The following KANSL1 variants were observed in gnomAD, a reference collection of about 807,000 sequenced individuals.
The protein encoded by KANSL1 is KAT8 regulatory NSL complex subunit 1.
A neutral mutation model predicts 103.6 loss-of-function variants in KANSL1; 22 were observed. That is an observed-to-expected ratio of 0.21 (90% CI 0.15 to 0.30). The LOEUF is 0.30. Among genes scored for constraint, KANSL1 ranks in the 10% least tolerant of loss-of-function variants. KANSL1 has a pLI of 1.00. For synonymous variants in KANSL1, 600 were observed against 527.6 expected, an observed-to-expected ratio of 1.14 and a Z score of -1.88; for missense variants, 1,337 against 1,399.8, an observed-to-expected ratio of 0.96 and a Z score of 0.72.
intron 2 of KANSL1, among the ~76,000 whole-genome samples, chr17:46,158,976 G>A (rs1222956816): frequency 2.0e-5 from 3 of 152,128 alleles, no homozygotes; most frequent in Admixed American, 6.5e-5. Flanking sequence ...AGAACCTTAC[G>A]CTCAGATTTT....
chr17:46,073,527 GTACTGAAA>G (rs1328377555), intron 4 of KANSL1, among the ~76,000 whole-genome samples: 1 of 152,046 alleles, frequency 6.6e-6, no homozygotes, highest in East Asian at 1.9e-4. Context: ...AAGCCAAAAC[GTACTGAAA>G]TTGCTAACCT....
At chr17:46,176,883 GGAGA>G (rs202225903) in intron 1 of KANSL1, among the ~76,000 whole-genome samples, 6 of 152,048 alleles carry the variant, frequency 3.9e-5, no homozygotes, top group African/African-American at 9.7e-5. Context: ...GGGTGGGGGA[GGAGA>G]GAGAGTGCAG....
chr17:46,162,255 C>T (rs1477558185), intron 2 of KANSL1, among the ~76,000 whole-genome samples: 2 of 152,198 alleles, frequency 1.3e-5, no homozygotes, highest in Non-Finnish European at 2.9e-5. Context: ...TTCTACCCAG[C>T]TTGCAAAATA....
intron 3 of KANSL1, chr17:46,093,957 A>C (rs2079517547): frequency 6.6e-6 from 1 of 152,320 alleles, no homozygotes; most frequent in East Asian, 1.9e-4. Context: ...CAGGGAACTA[A>C]CAAATATAAA....
rs913316099 is a variant in KANSL1 at position 46,170,990 on chromosome 17, G to T, written c.1154C>A (p.Ala385Asp). ...GCACCTCAAGTTGGCTATGCCACTAGCTGTAAATCTCTCCAATTCTTCTGA... is the reference window on the plus strand; with the variant it reads ...GCACCTCAAGTTGGCTATGCCACTATCTGTAAATCTCTCCAATTCTTCTGA... ...SISEELERFT[A>D]SGIANLRCSE... Residue 385 changes from alanine to aspartate, a missense_variant, in exon 2 of 15, where the codon GCT (alanine) becomes GAT (aspartate). Ala to Asp is a moderately radical substitution (Grantham distance 126). Transcript: ENST00000432791. 1.2e-6 allele frequency: 2 copies of T among 1,614,198 alleles called. No homozygotes were observed. Among genetic ancestry groups the T allele is most frequent in the Admixed American group, 1.7e-5 (1 of 60,032 alleles).
intron 2 of KANSL1, among the ~76,000 whole-genome samples, chr17:46,145,071 T>C (rs1353938685): frequency 2.0e-5 from 3 of 152,236 alleles, no homozygotes; most frequent in Non-Finnish European, 4.4e-5. Flanking sequence ...ATAATTCTTT[T>C]AGGATTGACA....
At chr17:46,174,445 A>C (rs2046427170) in intron 1 of KANSL1, among the ~76,000 whole-genome samples, 1 of 152,226 alleles carries the variant, frequency 6.6e-6, no homozygotes, top group Admixed American at 6.5e-5. Flanking sequence ...GGCCTTCCAA[A>C]GTGCTGGGAT....
chr17:46,146,007 G>A (rs889139348), intron 2 of KANSL1, among the ~76,000 whole-genome samples: 1 of 152,200 alleles, frequency 6.6e-6, no homozygotes, highest in Admixed American at 6.5e-5. Context: ...TGGGATTACA[G>A]GTGTGAGCCA....
chr17:46,190,431 T>C (rs901384341), intron 1 of KANSL1, among the ~76,000 whole-genome samples: 5 of 152,214 alleles, frequency 3.3e-5, no homozygotes, highest in African/African-American at 9.6e-5. Context: ...CAAAGTCAAA[T>C]ACGAATGTTC....
chr17:46,110,232 G>A (rs2147098306), intron 2 of KANSL1, among the ~76,000 whole-genome samples: 1 of 152,294 alleles, frequency 6.6e-6, no homozygotes. Flanking sequence ...ATGAGAGAAA[G>A]CACAGTAGTC....
chr17:46,180,220 G>T (rs1567775117), intron 1 of KANSL1, among the ~76,000 whole-genome samples: 1 of 152,128 alleles, frequency 6.6e-6, no homozygotes, highest in African/African-American at 2.4e-5. Flanking sequence ...GAGGGGCCAG[G>T]CACAGTGGCT....
chr17:46,145,482 G>C (rs1484150181), intron 2 of KANSL1, among the ~76,000 whole-genome samples: 2 of 152,248 alleles, frequency 1.3e-5, no homozygotes, highest in Non-Finnish European at 2.9e-5. Flanking sequence ...ATCTAGAACA[G>C]TTATCTTCCT....
At chr17:46,068,531 T>A (rs1396147657) in intron 4 of KANSL1, among the ~76,000 whole-genome samples, 2 of 152,130 alleles carry the variant, frequency 1.3e-5, no homozygotes, top group Non-Finnish European at 2.9e-5. Context: ...ATCATGCCAC[T>A]GCACTCCAGC....
At chr17:46,099,216 C>G (rs1428662442) in intron 2 of KANSL1, among the ~76,000 whole-genome samples, 1 of 142,560 alleles carries the variant, frequency 7.0e-6, no homozygotes. Context: ...CCCAGCTACT[C>G]GGGAGGCTGA....
intron 1 of KANSL1, among the ~76,000 whole-genome samples, chr17:46,218,226 T>C (rs2048401142): frequency 6.6e-6 from 1 of 152,262 alleles, no homozygotes; most frequent in Non-Finnish European, 1.5e-5. Context: ...TATGTCACTC[T>C]GTGGCAGCAG....
At chr17:46,185,213 CA>C (rs879406839) in intron 1 of KANSL1, among the ~76,000 whole-genome samples, 18,678 of 150,290 alleles carry the variant, frequency 0.12, 33 homozygotes, top group Middle Eastern at 0.19. Flanking sequence ...GACAGCAGAC[CA>C]ACACACGTTA....
chr17:46,089,565 C>CAA (rs370478201), intron 3 of KANSL1, among the ~76,000 whole-genome samples: 19,774 of 125,808 alleles, frequency 0.16, 1,941 homozygotes, highest in Middle Eastern at 0.23. Context: ...AGGTTCATCT[C>CAA]AAAAAAAAAA....
Position 46,033,145 on chromosome 17 carries a change from A to G in KANSL1, c.2772T>C (p.Cys924=). Residue 924 remains cysteine, a synonymous_variant, in exon 13 of 15, where the codon TGT becomes TGC. Coordinates refer to ENST00000432791, the MANE Select transcript of KANSL1 (RefSeq NM_015443.4). ...GCCACCGTGCCCTCTCCATCTCCTC[A>G]CATTTGGCATGCAGGGCGGCGAAGG... is the stretch of plus-strand genomic sequence containing the variant. The part of the protein sequence containing the change: ...DAAFAALHAK[C]EEMERARWLW... The G allele has an allele frequency of 6.2e-7, 1 of 1,607,102 alleles. No homozygotes were observed. Among genetic ancestry groups the G allele is most frequent in the Non-Finnish European group, 8.5e-7 (1 of 1,176,648 alleles).
upstream of KANSL1, chr17:46,196,738 T>A (rs992279894): frequency 3.9e-6 from 1 of 259,566 alleles, no homozygotes; most frequent in African/African-American, 2.3e-5. Context: ...TGAGTTCTAA[T>A]GTTTTTTAGT....
Sources: allele counts gnomAD v4.1 joint callset (sites outside exome capture counted in the v4.1 genomes callset), GRCh38; gene constraint gnomAD v4.1.1; transcripts MANE v1.5; gene names NCBI Gene and HGNC (gene_info 2026-07-23, HGNC 2026-07-21).